The following NAA25 variants were observed in gnomAD, a reference collection of about 807,000 sequenced individuals.
NAA25 encodes N-alpha-acetyltransferase 25, NatB auxiliary subunit.
A neutral mutation model predicts 132.5 loss-of-function variants in NAA25; 30 were observed. The ratio of observed to expected loss-of-function variants is 0.23; its 90% CI spans 0.17 to 0.31. The LOEUF is 0.31. NAA25 is among the 10% of genes least tolerant of loss of function. NAA25 has a pLI of 1.00. For synonymous variants in NAA25, 359 were observed against 401.9 expected (o/e 0.89, Z 1.28); for missense variants, 771 against 1,150.4 (o/e 0.67, Z 4.77).
Position 112,068,866 on chromosome 12 carries a change from T to C in NAA25, c.1149+14A>G, listed in dbSNP as rs374856097. ...AGAGGCACCCAACAAACTTCTAAACTGTATAGTACTTACTTTTGTACACTG... is the reference window on the plus strand; with the variant it reads ...AGAGGCACCCAACAAACTTCTAAACCGTATAGTACTTACTTTTGTACACTG... On this transcript the variant is annotated intron_variant, in intron 11 of 23. Coordinates refer to ENST00000261745, the MANE Select transcript of NAA25 (RefSeq NM_024953.4). 8.2e-5 allele frequency: 119 copies of C among 1,454,986 alleles called. No individual in the cohort carries two copies. The highest frequency in any genetic ancestry group is 2.3e-4 in the Admixed American group (11 of 47,814). 90.1% of individuals were successfully genotyped at this position (1,454,986 alleles called of 1,614,324 possible).
chr12:112,089,160 G>A (rs1442891672), intron 3 of NAA25, among the ~76,000 whole-genome samples: 1 of 152,120 alleles, frequency 6.6e-6, no homozygotes, highest in Admixed American at 6.6e-5. Context: ...CAGCACTTTG[G>A]GAGGCTGAGG....
At position 112,054,359 on chromosome 12, in the gene NAA25, G is replaced by A. The variant is rs777265584; in HGVS notation, c.1628+29C>T. ...GTACCCCACACTGGTATAGCTGGCTGCTCATTATTCAGAGTATATACTACC... is the reference window on the plus strand; with the variant it reads ...GTACCCCACACTGGTATAGCTGGCTACTCATTATTCAGAGTATATACTACC... On this transcript the variant is annotated intron_variant, in intron 14 of 23. Coordinates refer to ENST00000261745, the MANE Select transcript of NAA25 (RefSeq NM_024953.4). 4 of 1,597,358 alleles carry A rather than the reference G, an allele frequency of 2.5e-6. No homozygotes were observed. The African/African-American group carries it at 5.4e-5, about 21-fold the overall frequency.
At chr12:112,038,865 GC>G (rs2078263083) in intron 22 of NAA25, among the ~76,000 whole-genome samples, 1 of 152,158 alleles carries the variant, frequency 6.6e-6, no homozygotes, top group Non-Finnish European at 1.5e-5. Context: ...TGTAATCCCA[GC>G]TACTCGGGAA....
intron 8 of NAA25, among the ~76,000 whole-genome samples, chr12:112,075,050 A>G (rs1227074550): frequency 6.6e-6 from 1 of 152,194 alleles, no homozygotes; most frequent in East Asian, 1.9e-4. Flanking sequence ...CACTTCCAAA[A>G]TAGAGGGAAG....
At chr12:112,084,369 C>G in intron 4 of NAA25, among the ~76,000 whole-genome samples, 1 of 152,224 alleles carries the variant, frequency 6.6e-6, no homozygotes, top group East Asian at 1.9e-4. Flanking sequence ...AACCTTCATC[C>G]ATATGAAACA....
intron 10 of NAA25, among the ~76,000 whole-genome samples, chr12:112,071,492 C>T (rs1453266978): frequency 2.0e-5 from 3 of 152,016 alleles, no homozygotes; most frequent in Non-Finnish European, 2.9e-5. Context: ...TCATTATGCC[C>T]AGCTAATTTT....
chr12:112,081,253 G>C (rs892273338), intron 4 of NAA25, 119 bp from the exon 5 acceptor site: 7 of 792,792 alleles, frequency 8.8e-6, no homozygotes, highest in Non-Finnish European at 1.5e-5. Context: ...ATCCCAGTTA[G>C]TGTAAATTCC....
chr12:112,047,419 A>G lies in NAA25; in HGVS notation c.2006+246T>C, dbSNP rs2078402949. ...GGTAATTTTTGTATTTTTAGTAGAG[A>G]TAGGGTTTCACCATGTTGGCCAGGA... On this transcript the variant is annotated intron_variant, in intron 17 of 23. Transcript: ENST00000261745. Among the ~76,000 whole-genome samples, 3 of 152,090 alleles carry G rather than the reference A, an allele frequency of 2.0e-5. No homozygotes were observed. The South Asian group carries it at 6.2e-4, about 32-fold the overall frequency.
At chr12:112,068,017 C>T (rs1218390125) in intron 11 of NAA25, among the ~76,000 whole-genome samples, 4 of 151,950 alleles carry the variant, frequency 2.6e-5, no homozygotes, top group East Asian at 1.9e-4. Context: ...GGATTACAGG[C>T]GTAAGCCACC....
intron 20 of NAA25, among the ~76,000 whole-genome samples, 164 bp from the exon 21 acceptor site, chr12:112,040,742 G>T (rs185135445): frequency 6.6e-6 from 1 of 152,136 alleles, no homozygotes; most frequent in Non-Finnish European, 1.5e-5. Flanking sequence ...ACTATCCATT[G>T]TAAGTTCTTT....
intron 12 of NAA25, 90 bp from the exon 13 acceptor site, chr12:112,060,449 G>A (rs1443864449): frequency 1.3e-6 from 1 of 769,288 alleles, no homozygotes; most frequent in Non-Finnish European, 2.2e-6. Flanking sequence ...AGTGACAGGA[G>A]GGAGAGGAGG....
At chr12:112,040,104 A>C (rs966680427) in intron 21 of NAA25, 1 of 159,858 alleles carries the variant, frequency 6.3e-6, no homozygotes, top group Non-Finnish European at 1.4e-5. Flanking sequence ...GTTGCTGGAC[A>C]CTATCACAAT....
chr12:112,100,898 G>A (rs552901732), intron 1 of NAA25, among the ~76,000 whole-genome samples: 53 of 152,252 alleles, frequency 3.5e-4, no homozygotes, highest in African/African-American at 1.1e-3. Context: ...GATTACAGGC[G>A]TGAGCCACCA....
chr12:112,053,648 C>A lies in NAA25; in HGVS notation c.1638G>T (p.Leu546Phe). 2 of 1,599,164 alleles carry A rather than the reference C, an allele frequency of 1.3e-6. No individual in the cohort carries two copies. Among genetic ancestry groups the A allele is most frequent in the South Asian group, 2.2e-5 (2 of 89,412 alleles). The change falls in exon 15 of 24, where the codon TTG (leucine) becomes TTT (phenylalanine). Residue 546 changes from leucine to phenylalanine, a missense_variant. Coordinates refer to ENST00000261745, the MANE Select transcript of NAA25 (RefSeq NM_024953.4). ...HIQHDTIGYLLTRYAESLGQY... is the reference protein window; with the variant it reads ...HIQHDTIGYLFTRYAESLGQY... Reference sequence around the variant, plus strand: ...GACCTAGAGATTCAGCATATCGGGTCAAAAGATAACTAGATCAGAAGGAAA... The same window carrying A: ...GACCTAGAGATTCAGCATATCGGGTAAAAAGATAACTAGATCAGAAGGAAA...
intron 3 of NAA25, among the ~76,000 whole-genome samples, chr12:112,089,884 C>G (rs2079107314): frequency 6.6e-6 from 1 of 151,108 alleles, no homozygotes; most frequent in African/African-American, 2.4e-5. Context: ...TCCCAGCTAC[C>G]TGGGAAGCCG....
intron 9 of NAA25, among the ~76,000 whole-genome samples, chr12:112,073,758 C>T (rs974345066): frequency 3.3e-5 from 5 of 151,636 alleles, no homozygotes; most frequent in Non-Finnish European, 7.4e-5. Context: ...ACTCTAGATG[C>T]CTATAAAAAG....
At chr12:112,078,496 G>T in intron 6 of NAA25, 138 bp downstream of exon 6, 1 of 771,612 alleles carries the variant, frequency 1.3e-6, no homozygotes, top group Non-Finnish European at 2.1e-6. Context: ...TACGCTGAGG[G>T]CTTCAGATTT....
At chr12:112,030,703 A>G (rs1185797613) in intron 23 of NAA25, among the ~76,000 whole-genome samples, 3 of 152,218 alleles carry the variant, frequency 2.0e-5, no homozygotes, top group African/African-American at 7.2e-5. Context: ...AACCGGGAAC[A>G]TACTTTCTGA....
chr12:112,100,914 G>A (rs541453574), intron 1 of NAA25, among the ~76,000 whole-genome samples: 12 of 152,196 alleles, frequency 7.9e-5, no homozygotes, highest in South Asian at 4.1e-4. Context: ...CACCACACCC[G>A]GCCTGATTCC....
Sources: allele counts gnomAD v4.1 joint callset (sites outside exome capture counted in the v4.1 genomes callset), GRCh38; gene constraint gnomAD v4.1.1; transcripts MANE v1.5; gene names NCBI Gene and HGNC (gene_info 2026-07-23, HGNC 2026-07-21).